Variants in SAE1 observed in about 807,000 individuals in gnomAD.
The protein encoded by SAE1 is SUMO1 activating enzyme subunit 1.
In SAE1, 11 loss-of-function variants were observed where a neutral mutation model predicts 40.6. The ratio of observed to expected loss-of-function variants is 0.27; its 90% CI spans 0.17 to 0.45. The LOEUF is 0.45. Among genes scored for constraint, SAE1 ranks in the 20% least tolerant of loss-of-function variants. The probability of loss-of-function intolerance (pLI) is 1.00; values close to 1 mark genes in which losing one functional copy is unlikely to be tolerated. For synonymous variants in SAE1, 155 were observed against 154.3 expected (o/e 1.00, Z -0.03); for missense variants, 373 against 427.3 (o/e 0.87, Z 1.12).
intron 6 of SAE1, among the ~76,000 whole-genome samples, chr19:47,182,769 C>T (rs1347698856): frequency 6.6e-6 from 1 of 152,112 alleles, no homozygotes; most frequent in East Asian, 1.9e-4. Context: ...GAAGGCCTGG[C>T]ACACATTGTG....
intron 6 of SAE1, among the ~76,000 whole-genome samples, chr19:47,183,270 C>T (rs1430496661): frequency 6.6e-6 from 1 of 151,924 alleles, no homozygotes; most frequent in Non-Finnish European, 1.5e-5. Context: ...GACAGCCTTA[C>T]TAGATCAGGT....
chr19:47,140,820 A>G (rs536764826), intron 1 of SAE1, among the ~76,000 whole-genome samples: 3 of 152,030 alleles, frequency 2.0e-5, no homozygotes, highest in Non-Finnish European at 2.9e-5. Flanking sequence ...TAAACATGGT[A>G]TTTGGTGTTG....
chr19:47,171,840 T>C (rs2058436142), intron 6 of SAE1, among the ~76,000 whole-genome samples: 1 of 152,044 alleles, frequency 6.6e-6, no homozygotes, highest in African/African-American at 2.4e-5. Flanking sequence ...TGACCCCAGG[T>C]GATCTGCCCA....
At chr19:47,186,887 T>C (rs1437147644) in intron 6 of SAE1, among the ~76,000 whole-genome samples, 2 of 152,104 alleles carry the variant, frequency 1.3e-5, no homozygotes, top group African/African-American at 2.4e-5. Context: ...GAAAGTACTG[T>C]GTGGCTGTGG....
rs115213951 is a variant in SAE1, at chr19:47,175,155, G to A, written c.733+5232G>A. On this transcript the variant is annotated intron_variant, in intron 6 of 8. Coordinates refer to ENST00000270225, the MANE Select transcript of SAE1 (RefSeq NM_005500.3). ...TTGCCTACTGTAAAGTCAAGCCTCA[G>A]TAACATTCTGATTTCAGGATGCAGG... Among the ~76,000 whole-genome samples the A allele has an allele frequency of 8.3e-3, 989 of 118,958 alleles. 8 individuals carry two copies. The highest frequency in any genetic ancestry group is 0.028 in the African/African-American group (879 of 31,646). The allele number at this position is 118,958 out of a possible 152,430, so 78.0% of individuals were successfully genotyped here. A position where few individuals can be genotyped will look rare whatever the true frequency, so the allele number is the denominator to read the frequency against.
chr19:47,164,147 A>C (rs992036720), intron 5 of SAE1, among the ~76,000 whole-genome samples: 2 of 151,978 alleles, frequency 1.3e-5, no homozygotes, highest in Middle Eastern at 3.4e-3. Flanking sequence ...TCTGCTTTGG[A>C]GCACATGATT....
In SAE1 at chr19:47,155,127, G is replaced by A. The variant is rs1170163047; in HGVS notation, c.541G>A (p.Val181Ile). Residue 181 changes from valine to isoleucine, a missense_variant, in exon 5 of 9, where the codon GTT (valine) becomes ATT (isoleucine). Coordinates refer to ENST00000270225, the MANE Select transcript of SAE1 (RefSeq NM_005500.3). ...GTCACCCTCTAGGGAGAAAACTAAA[G>A]TTGCCAAAGTTAGCCAAGGAGTAGA... ...EHEFVEEKTK[V>I]AKVSQGVEDG... The A allele has an allele frequency of 1.2e-6, 2 of 1,611,888 alleles. No homozygotes were observed. Among genetic ancestry groups the A allele is most frequent in the Non-Finnish European group, 1.7e-6 (2 of 1,178,076 alleles).
chr19:47,131,599 C>T, intron 1 of SAE1, among the ~76,000 whole-genome samples: 1 of 151,624 alleles, frequency 6.6e-6, no homozygotes, highest in Non-Finnish European at 1.5e-5. Context: ...AGGGGGACGG[C>T]CGTAGGCTCC....
In SAE1 at chr19:47,153,060, G is replaced by A; in HGVS notation, c.527+20G>A. 6.4e-7 allele frequency: 1 copy of A among 1,571,892 alleles called. No individual in the cohort carries two copies. The highest frequency in any genetic ancestry group is 8.6e-7 in the Non-Finnish European group (1 of 1,162,212). On this transcript the variant is annotated intron_variant, in intron 4 of 8. Transcript: ENST00000270225. ...TGTAGAGTAAGTGTTGGGAGAGGAGGGGAGAACATAACATTTTCTCCTTTT... is the reference window on the plus strand; with the variant it reads ...TGTAGAGTAAGTGTTGGGAGAGGAGAGGAGAACATAACATTTTCTCCTTTT...
rs2058667172 is a variant in SAE1 at position 47,203,538 on chromosome 19, C to T, written c.879-133C>T. The T allele has an allele frequency of 8.5e-6, 6 of 704,562 alleles. No individual in the cohort carries two copies. The East Asian group carries it at 1.3e-4, about 15-fold the overall frequency. The allele number at this position is 704,562 out of a possible 1,614,324, so 43.6% of individuals were successfully genotyped here. A position where few individuals can be genotyped will look rare whatever the true frequency, so the allele number is the denominator to read the frequency against. The stretch of plus-strand genomic sequence containing the variant: ...TTTCACGCCTAGATGCCAGCATTAA[C>T]ACTGCTATCTGAATCGGGCCCTCCT... On this transcript the variant is annotated intron_variant, in intron 7 of 8. Coordinates refer to ENST00000270225, the MANE Select transcript of SAE1 (RefSeq NM_005500.3).
chr19:47,180,333 A>T (rs2058498076), intron 6 of SAE1: 2 of 452,044 alleles, frequency 4.4e-6, no homozygotes, highest in African/African-American at 4.0e-5. Context: ...CTATGCCAGA[A>T]AGTAAGGAAG....
intron 6 of SAE1, among the ~76,000 whole-genome samples, chr19:47,194,822 C>T (rs890576727): frequency 5.3e-5 from 8 of 149,810 alleles, no homozygotes; most frequent in Non-Finnish European, 1.2e-4. Context: ...GATCTCAGCT[C>T]ACTGCAACCT....
intron 6 of SAE1, among the ~76,000 whole-genome samples, chr19:47,189,755 TA>T (rs2058568150): frequency 6.6e-6 from 1 of 152,084 alleles, no homozygotes; most frequent in African/African-American, 2.4e-5. Context: ...GGCCAGCAAT[TA>T]GGGGCTAATT....
rs1383627674 is a variant in SAE1, at chr19:47,210,236, GGAT to G, written c.*989_*991del. On this transcript the variant is annotated 3_prime_UTR_variant, in exon 9 of 9. Coordinates refer to ENST00000270225, the MANE Select transcript of SAE1 (RefSeq NM_005500.3). ...CTTCAGAAGCTTCTGAGAGGGAATG[GGAT>G]GATCCTACCAGTTGCCTTTTCAGAC... 4 of 152,088 alleles carry G rather than the reference GGAT, an allele frequency of 2.6e-5. No homozygotes were observed. Among genetic ancestry groups the G allele is most frequent in the African/African-American group, 9.7e-5 (4 of 41,406 alleles). 9.4% of individuals were successfully genotyped at this position (152,088 alleles called of 1,614,324 possible).
At chr19:47,150,448 C>A in intron 3 of SAE1, 73 bp downstream of exon 3, 2 of 1,205,578 alleles carry the variant, frequency 1.7e-6, no homozygotes, top group Non-Finnish European at 2.3e-6. Flanking sequence ...ACTTTCAAAT[C>A]CCAAAGCAAT....
intron 6 of SAE1, among the ~76,000 whole-genome samples, chr19:47,181,286 A>T: frequency 6.6e-6 from 1 of 152,180 alleles, no homozygotes; most frequent in South Asian, 2.1e-4. Context: ...ATTGCACTCC[A>T]GCTTGGGCAA....
At chr19:47,200,151 T>G (rs968432337) in intron 7 of SAE1, among the ~76,000 whole-genome samples, 1 of 151,854 alleles carries the variant, frequency 6.6e-6, no homozygotes, top group Non-Finnish European at 1.5e-5. Flanking sequence ...GCCAGGATGG[T>G]CTTGATCTCC....
At chr19:47,150,537 A>G (rs534690939) in intron 3 of SAE1, among the ~76,000 whole-genome samples, 162 bp downstream of exon 3, 9 of 152,264 alleles carry the variant, frequency 5.9e-5, no homozygotes, top group African/African-American at 1.9e-4. Flanking sequence ...GGCTTAGTAT[A>G]TTGTGTGAAT....
chr19:47,144,628 G>A (rs1196723746), intron 2 of SAE1, among the ~76,000 whole-genome samples: 1 of 151,934 alleles, frequency 6.6e-6, no homozygotes, highest in Non-Finnish European at 1.5e-5. Flanking sequence ...GAACCTGGGA[G>A]GCGGAGCTTG....
Sources: allele counts gnomAD v4.1 joint callset (sites outside exome capture counted in the v4.1 genomes callset), GRCh38; gene constraint gnomAD v4.1.1; transcripts MANE v1.5; gene names NCBI Gene and HGNC (gene_info 2026-07-23, HGNC 2026-07-21).